GRIN2B: variants seen among roughly 807,000 people sequenced by gnomAD.
GRIN2B encodes glutamate receptor ionotropic, NMDA 2B.
A neutral mutation model predicts 114.5 loss-of-function variants in GRIN2B; 5 were observed. The observed-to-expected ratio is 0.04, with a 90% CI of 0.02 to 0.09. The LOEUF is 0.09. GRIN2B is among the 10% of genes least tolerant of loss of function. The probability of loss-of-function intolerance (pLI) is 1.00; values close to 1 mark genes in which losing one functional copy is unlikely to be tolerated. For missense variants in GRIN2B, 1,108 were observed against 1,943.5 expected (o/e 0.57, Z 8.08); for synonymous variants, 787 against 745.1 (o/e 1.06, Z -0.92).
At chr12:13,623,625 A>G (rs558221661) in intron 5 of GRIN2B, among the ~76,000 whole-genome samples, 16 of 152,108 alleles carry the variant, frequency 1.1e-4, no homozygotes, top group South Asian at 2.1e-4. Context: ...TCCATTTTCT[A>G]TTGAGTTGTT....
chr12:13,748,518 A>G (rs1863427393), intron 4 of GRIN2B, among the ~76,000 whole-genome samples: 1 of 152,226 alleles, frequency 6.6e-6, no homozygotes, highest in Non-Finnish European at 1.5e-5. Context: ...ATGGGTTTGG[A>G]AAACTTACCT....
intron 5 of GRIN2B, among the ~76,000 whole-genome samples, chr12:13,665,094 T>A (rs577383292): frequency 6.6e-6 from 1 of 152,126 alleles, no homozygotes; most frequent in African/African-American, 2.4e-5. Context: ...TTCCTCACAG[T>A]TTGAGGAGAT....
chr12:13,825,413 T>C (rs1270130530), intron 3 of GRIN2B, among the ~76,000 whole-genome samples: 1 of 149,820 alleles, frequency 6.7e-6, no homozygotes, highest in Non-Finnish European at 1.5e-5. Flanking sequence ...TGTTGTTTGA[T>C]GCAATATTCT....
chr12:13,970,814 G>C (rs1394169917), intron 2 of GRIN2B, among the ~76,000 whole-genome samples: 1 of 151,852 alleles, frequency 6.6e-6, no homozygotes, highest in African/African-American at 2.4e-5. Context: ...ATTTGGCCAG[G>C]GTAGAATTTC....
chr12:13,794,505 C>T (rs1864381432), intron 3 of GRIN2B, among the ~76,000 whole-genome samples: 1 of 152,134 alleles, frequency 6.6e-6, no homozygotes, highest in Non-Finnish European at 1.5e-5. Context: ...TCCCCACTAA[C>T]CTCCCCCCCG....
At chr12:13,680,162 T>A (rs1257460074) in intron 4 of GRIN2B, among the ~76,000 whole-genome samples, 1 of 152,150 alleles carries the variant, frequency 6.6e-6, no homozygotes, top group African/African-American at 2.4e-5. Context: ...ATGGCTATAT[T>A]AATCAATTTA....
At chr12:13,935,886 T>A (rs1867119452) in intron 2 of GRIN2B, among the ~76,000 whole-genome samples, 1 of 152,172 alleles carries the variant, frequency 6.6e-6, no homozygotes, top group Admixed American at 6.5e-5. Flanking sequence ...GGCATAAGAC[T>A]TTGTTTCCTC....
At chr12:13,639,881 CT>C (rs1207369582) in intron 5 of GRIN2B, among the ~76,000 whole-genome samples, 2 of 151,838 alleles carry the variant, frequency 1.3e-5, no homozygotes, top group Non-Finnish European at 2.9e-5. Context: ...TTCCCATGTT[CT>C]TTTCTTTCAC....
At position 13,563,459 on chromosome 12, in the gene GRIN2B, A is replaced by G; in HGVS notation, c.3779T>C (p.Leu1260Pro). Residue 1260 changes from leucine (L) to proline (P), a missense_variant, in exon 14 of 14, where the codon CTG (leucine) becomes CCG (proline). By Grantham distance (98) the Leu-to-Pro change is moderately conservative. Transcript: ENST00000609686. ...NLYDISEDNS[L>P]QELDQPAAPV... Reference sequence around the variant, plus strand: ...GGCAGCCGGCTGGTCCAGTTCCTGCAGGGAGTTGTCCTCACTGATGTCATA... The same window carrying G: ...GGCAGCCGGCTGGTCCAGTTCCTGCGGGGAGTTGTCCTCACTGATGTCATA... 1 of 1,614,154 alleles carries G rather than the reference A, an allele frequency of 6.2e-7. No homozygotes were observed. The highest frequency in any genetic ancestry group is 1.3e-5 in the African/African-American group (1 of 75,036).
chr12:13,972,081 T>G (rs909635014), intron 2 of GRIN2B, among the ~76,000 whole-genome samples: 3 of 152,216 alleles, frequency 2.0e-5, no homozygotes, highest in African/African-American at 7.2e-5. Flanking sequence ...TCTTGCCCAG[T>G]CATTCTCAAA....
intron 3 of GRIN2B, among the ~76,000 whole-genome samples, chr12:13,766,062 G>A (rs547879136): frequency 6.6e-6 from 1 of 152,148 alleles, no homozygotes; most frequent in Non-Finnish European, 1.5e-5. Flanking sequence ...AACTAGTGAT[G>A]GACTCGGTAC....
intron 4 of GRIN2B, among the ~76,000 whole-genome samples, chr12:13,732,116 T>C (rs1863095813): frequency 6.6e-6 from 1 of 152,000 alleles, no homozygotes; most frequent in Admixed American, 6.6e-5. Flanking sequence ...AGCTAAAATT[T>C]AATGTAATGC....
intron 5 of GRIN2B, among the ~76,000 whole-genome samples, chr12:13,644,979 G>A (rs1949749411): frequency 6.6e-6 from 1 of 152,092 alleles, no homozygotes; most frequent in Non-Finnish European, 1.5e-5. Flanking sequence ...CAGCAATCAG[G>A]CTGCTTTGCT....
At chr12:13,599,196 G>A (rs1226532897) in intron 10 of GRIN2B, among the ~76,000 whole-genome samples, 1 of 152,164 alleles carries the variant, frequency 6.6e-6, no homozygotes, top group Non-Finnish European at 1.5e-5. Context: ...ACCCATGCTG[G>A]ACAGGAAATC....
chr12:13,739,835 G>A (rs969431051), intron 4 of GRIN2B, among the ~76,000 whole-genome samples: 12 of 152,276 alleles, frequency 7.9e-5, no homozygotes, highest in Admixed American at 3.3e-4. Context: ...ATGCTATGAA[G>A]AGGAATCACA....
chr12:13,763,870 A>G (rs1342313379), intron 3 of GRIN2B, among the ~76,000 whole-genome samples: 1 of 152,116 alleles, frequency 6.6e-6, no homozygotes, highest in Non-Finnish European at 1.5e-5. Flanking sequence ...TTTTCTTTAT[A>G]CTGAAAATTG....
chr12:13,910,130 T>C (rs1359071234), intron 2 of GRIN2B, among the ~76,000 whole-genome samples: 1 of 152,152 alleles, frequency 6.6e-6, no homozygotes, highest in African/African-American at 2.4e-5. Flanking sequence ...TACTGACAAA[T>C]ATAATAATGT....
At chr12:13,700,996 T>C (rs1950306805) in intron 4 of GRIN2B, among the ~76,000 whole-genome samples, 2 of 152,084 alleles carry the variant, frequency 1.3e-5, no homozygotes, top group Non-Finnish European at 1.5e-5. Flanking sequence ...TCAGCAAGGC[T>C]GGGGAGGTCT....
chr12:13,754,482 G>T (rs537508519), intron 3 of GRIN2B, among the ~76,000 whole-genome samples: 2 of 152,292 alleles, frequency 1.3e-5, no homozygotes, highest in East Asian at 3.9e-4. Flanking sequence ...ATCTACGGAG[G>T]TGAGATAAGC....
Sources: allele counts gnomAD v4.1 joint callset (sites outside exome capture counted in the v4.1 genomes callset), GRCh38; gene constraint gnomAD v4.1.1; transcripts MANE v1.5; gene names NCBI Gene and HGNC (gene_info 2026-07-23, HGNC 2026-07-21).